Variants in PPP1R12B observed in about 807,000 individuals in gnomAD.
PPP1R12B encodes myosin phosphatase target subunit 2.
A neutral mutation model predicts 126.1 loss-of-function variants in PPP1R12B; 76 were observed. That is an observed-to-expected ratio of 0.60 (90% confidence interval 0.50 to 0.73). The LOEUF (loss-of-function observed/expected upper bound fraction) is 0.73. Ranked by LOEUF, PPP1R12B falls within the 30% of genes least tolerant of loss-of-function variation. The probability of loss-of-function intolerance (pLI) is 0.00; values close to 1 mark genes in which losing one functional copy is unlikely to be tolerated. For missense variants in PPP1R12B, 1,052 were observed against 1,205.1 expected (o/e 0.87, Z 1.88); for synonymous variants, 356 against 434.7 (o/e 0.82, Z 2.25).
At chr1:202,397,519 C>G (rs1571816273) in intron 1 of PPP1R12B, among the ~76,000 whole-genome samples, 1 of 152,308 alleles carries the variant, frequency 6.6e-6, no homozygotes, top group African/African-American at 2.4e-5. Flanking sequence ...TGGCTGCTAT[C>G]ACCAGTATTA....
At chr1:202,574,887 C>G in intron 23 of PPP1R12B, 1 of 1,124,998 alleles carries the variant, frequency 8.9e-7, no homozygotes, top group Non-Finnish European at 1.2e-6. Context: ...TGCATGCAAA[C>G]TAAAAACAAA....
intron 1 of PPP1R12B, among the ~76,000 whole-genome samples, chr1:202,393,894 C>G (rs1257596933): frequency 2.0e-5 from 3 of 151,642 alleles, no homozygotes; most frequent in African/African-American, 4.8e-5. Flanking sequence ...GACCCTGTCT[C>G]TAAAAAATAA....
intron 1 of PPP1R12B, among the ~76,000 whole-genome samples, chr1:202,416,561 A>G (rs1421013951): frequency 6.7e-6 from 1 of 149,582 alleles, no homozygotes; most frequent in Admixed American, 6.7e-5. Flanking sequence ...AAGTATGATT[A>G]TACATGAAAC....
In PPP1R12B at chr1:202,592,084, G is replaced by A. The variant is rs956569272; in HGVS notation, c.*11524G>A. ...TGGGGAGCCAGTTGGAGAGACATGGGGGCTCCTGGGAGGAGCCAAGGGAGG... is the reference window on the plus strand; with the variant it reads ...TGGGGAGCCAGTTGGAGAGACATGGAGGCTCCTGGGAGGAGCCAAGGGAGG... On this transcript the variant is annotated 3_prime_UTR_variant, in exon 24 of 24. Transcript: ENST00000608999. 1.3e-5 allele frequency: 2 copies of A among 152,722 alleles called. No individual in the cohort carries two copies. The highest frequency in any genetic ancestry group is 2.9e-5 in the Non-Finnish European group (2 of 68,108). The allele number at this position is 152,722 out of a possible 1,614,324, so 9.5% of individuals were successfully genotyped here. A position where few individuals can be genotyped will look rare whatever the true frequency, so the allele number is the denominator to read the frequency against.
intron 1 of PPP1R12B, among the ~76,000 whole-genome samples, chr1:202,361,729 T>G (rs1658251796): frequency 6.6e-6 from 1 of 152,026 alleles, no homozygotes; most frequent in Non-Finnish European, 1.5e-5. Flanking sequence ...GAAAGAAAAC[T>G]TCAAAGGGAA....
At chr1:202,502,567 A>T in intron 18 of PPP1R12B, 3 of 709,882 alleles carry the variant, frequency 4.2e-6, no homozygotes, top group Non-Finnish European at 5.2e-6. Context: ...GCAACAATGA[A>T]CAAACAGCCC....
intron 23 of PPP1R12B, chr1:202,576,917 G>C (rs1689145524): frequency 6.6e-6 from 1 of 151,960 alleles, no homozygotes; most frequent in Non-Finnish European, 1.5e-5. Flanking sequence ...AAATATGTCA[G>C]GTTCCAGAGT....
chr1:202,471,773 CT>C (rs1675932732), intron 13 of PPP1R12B: 7 of 1,013,990 alleles, frequency 6.9e-6, no homozygotes, highest in East Asian at 2.6e-5. Flanking sequence ...TAGGTTGGTT[CT>C]TTTTTAAAAA....
At position 202,437,927 on chromosome 1, in the gene PPP1R12B, T is replaced by G; in HGVS notation, c.1361T>G (p.Val454Gly). ...GGCAGCCACAACATGCTGAGTGAGG[T>G]GGCCAATTCCAGGGAACCTATAAGG... ...KTGSHNMLSE[V>G]ANSREPIRDR... is the part of the protein sequence containing the mutation. Residue 454 changes from valine (V) to glycine (G), a missense_variant, in exon 10 of 24, where the codon GTG becomes GGG. Coordinates refer to ENST00000608999, the MANE Select transcript of PPP1R12B (RefSeq NM_002481.4). 2 of 1,614,050 alleles carry G rather than the reference T, an allele frequency of 1.2e-6. No individual in the cohort carries two copies. The highest frequency in any genetic ancestry group is 1.7e-6 in the Non-Finnish European group (2 of 1,179,964).
intron 18 of PPP1R12B, among the ~76,000 whole-genome samples, chr1:202,526,831 C>G (rs182670122): frequency 6.8e-6 from 1 of 147,818 alleles, no homozygotes; most frequent in Non-Finnish European, 1.5e-5. Flanking sequence ...TATAAACTTC[C>G]TTGTAGATAC....
Position 202,449,022 on chromosome 1 carries a change from A to C in PPP1R12B, c.1701A>C (p.Ala567=). The C allele has an allele frequency of 6.2e-7, 1 of 1,613,936 alleles. No homozygotes were observed. Among genetic ancestry groups the C allele is most frequent in the Non-Finnish European group, 8.5e-7 (1 of 1,179,860 alleles). The part of the protein sequence containing the change: ...TPHKSQADTT[A]EKTADNVSSS... Reference sequence around the variant, plus strand: ...ACAAATCCCAGGCCGACACAACAGCAGAGAAAACAGCAGACAATGTCTCTT... The same window carrying C: ...ACAAATCCCAGGCCGACACAACAGCCGAGAAAACAGCAGACAATGTCTCTT... The change falls in exon 13 of 24, where the codon GCA becomes GCC. Residue 567 remains alanine (A), a synonymous_variant. Transcript: ENST00000608999.
At chr1:202,480,212 AC>A (rs1402970543) in intron 13 of PPP1R12B, among the ~76,000 whole-genome samples, 1 of 152,242 alleles carries the variant, frequency 6.6e-6, no homozygotes, top group Non-Finnish European at 1.5e-5. Flanking sequence ...AATTCTAGAA[AC>A]AAAAAATCAC....
chr1:202,445,212 T>C (rs1232666765), intron 12 of PPP1R12B: 5 of 1,246,532 alleles, frequency 4.0e-6, no homozygotes, highest in Non-Finnish European at 5.1e-6. Context: ...CACTACTGCA[T>C]CTGTACATCA....
chr1:202,584,697 T>C lies in PPP1R12B; in HGVS notation c.*4137T>C, dbSNP rs150141713. 1.1e-4 allele frequency: 17 copies of C among 152,322 alleles called. No homozygotes were observed. Among genetic ancestry groups the C allele is most frequent in the African/African-American group, 3.8e-4 (16 of 41,560 alleles). The allele number at this position is 152,322 out of a possible 1,614,324, so 9.4% of individuals were successfully genotyped here. A position where few individuals can be genotyped will look rare whatever the true frequency, so the allele number is the denominator to read the frequency against. ...AAGAAGCCTGGAGAAGAGAGAACTA[T>C]TTAAAAGTGTTGCCAGTTATTCAGC... On this transcript the variant is annotated 3_prime_UTR_variant, in exon 24 of 24. Transcript: ENST00000608999.
chr1:202,557,218 T>C (rs1386528851), intron 18 of PPP1R12B, among the ~76,000 whole-genome samples: 6 of 152,200 alleles, frequency 3.9e-5, no homozygotes, highest in Admixed American at 2.0e-4. Flanking sequence ...CTTGAACTCC[T>C]GGGCTCAAGT....
intron 13 of PPP1R12B, among the ~76,000 whole-genome samples, chr1:202,472,539 TAG>T (rs1676067312): frequency 6.6e-6 from 1 of 152,216 alleles, no homozygotes. Flanking sequence ...GAACTAACTG[TAG>T]AGTGACCTAT....
intron 1 of PPP1R12B, among the ~76,000 whole-genome samples, chr1:202,377,479 T>A (rs539764733): frequency 2.6e-5 from 4 of 152,074 alleles, no homozygotes; most frequent in Admixed American, 2.6e-4. Flanking sequence ...ATTTTTTGTA[T>A]TTTGTTAGTA....
At chr1:202,387,322 T>A (rs1379956358) in intron 1 of PPP1R12B, among the ~76,000 whole-genome samples, 1 of 152,140 alleles carries the variant, frequency 6.6e-6, no homozygotes, top group African/African-American at 2.4e-5. Context: ...TTTCATTGAG[T>A]TCTAAAATTT....
chr1:202,429,048 A>G, intron 6 of PPP1R12B, 119 bp downstream of exon 6: 1 of 766,172 alleles, frequency 1.3e-6, no homozygotes, highest in African/African-American at 1.8e-5. Context: ...TCTGCATTCC[A>G]GAGATGTTAA....
Sources: allele counts gnomAD v4.1 joint callset (sites outside exome capture counted in the v4.1 genomes callset), GRCh38; gene constraint gnomAD v4.1.1; transcripts MANE v1.5; gene names NCBI Gene and HGNC (gene_info 2026-07-23, HGNC 2026-07-21).